TAF4B: variants seen among roughly 807,000 people sequenced by gnomAD.
The protein encoded by TAF4B is TATA-box binding protein associated factor 4b, also known as transcription initiation factor TFIID subunit 4B.
TAF4B carries 38 observed loss-of-function variants against 86.4 expected under a neutral mutation model. That is an observed-to-expected ratio of 0.44 (90% CI 0.34 to 0.58). The LOEUF is 0.58. TAF4B is among the 20% of genes least tolerant of loss of function. The pLI, the probability that TAF4B is intolerant of heterozygous loss-of-function variation, is 0.02. For missense variants in TAF4B, 988 were observed against 1,027.6 expected (o/e 0.96, Z 0.53); for synonymous variants, 388 against 391.2 (o/e 0.99, Z 0.10).
At chr18:26,325,677 A>G (rs775287379) in intron 11 of TAF4B, among the ~76,000 whole-genome samples, 2 of 152,208 alleles carry the variant, frequency 1.3e-5, no homozygotes, top group Non-Finnish European at 2.9e-5. Flanking sequence ...TCATTAAACC[A>G]TTTCCAGAGT....
chr18:26,268,455 C>G (rs1421205654), intron 3 of TAF4B, among the ~76,000 whole-genome samples: 1 of 152,182 alleles, frequency 6.6e-6, no homozygotes, highest in Admixed American at 6.5e-5. Context: ...CCCTTCCCCT[C>G]AACTACCAAC....
chr18:26,340,950 T>C (rs1316470660), intron 13 of TAF4B, among the ~76,000 whole-genome samples: 1 of 152,188 alleles, frequency 6.6e-6, no homozygotes, highest in Non-Finnish European at 1.5e-5. Context: ...AAGATAACTT[T>C]AATGGTAGTA....
intron 3 of TAF4B, among the ~76,000 whole-genome samples, chr18:26,270,750 T>C (rs2056302625): frequency 6.6e-6 from 1 of 150,486 alleles, no homozygotes. Context: ...TATGGAACCA[T>C]TTTGAGGGGG....
At chr18:26,346,903 GTGTGTATATATATATATA>G (rs2057202127) in intron 13 of TAF4B, among the ~76,000 whole-genome samples, 1 of 8,314 alleles carries the variant, frequency 1.2e-4, no homozygotes, top group Non-Finnish European at 4.2e-4. Flanking sequence ...ATATATATGT[GTGTGTATATATATATATA>G]TAGTTTTTTG....
intron 14 of TAF4B, among the ~76,000 whole-genome samples, chr18:26,368,179 T>C (rs567135941): frequency 1.3e-5 from 2 of 152,340 alleles, no homozygotes; most frequent in East Asian, 3.9e-4. Context: ...TAGAAATGTG[T>C]ACATTTTCAA....
intron 3 of TAF4B, 37 bp downstream of exon 3, chr18:26,267,660 C>G: frequency 3.5e-6 from 5 of 1,447,774 alleles, no homozygotes; most frequent in Non-Finnish European, 4.8e-6. Flanking sequence ...TTGTTGTTCT[C>G]TTAACTTTTA....
At chr18:26,285,795 A>G (rs2056512953) in intron 6 of TAF4B, 87 bp from the exon 7 acceptor site, 2 of 1,471,166 alleles carry the variant, frequency 1.4e-6, no homozygotes, top group Non-Finnish European at 1.8e-6. Context: ...GATTGGTTTT[A>G]AGTTGTAAAG....
Position 26,286,128 on chromosome 18 carries a change from G to A in TAF4B, c.1219G>A (p.Ala407Thr). Residue 407 changes from alanine (A) to threonine (T), a missense_variant, in exon 7 of 15, where the codon GCT becomes ACT. Coordinates refer to ENST00000269142, the MANE Select transcript of TAF4B (RefSeq NM_005640.3). ...NPLAGPVGAK[A>T]GVVTLHSVGP... ...ACTTGCTGGTCCAGTGGGAGCAAAA[G>A]CTGGAGTTGTGACACTTCATTCTGT... 6.2e-7 allele frequency: 1 copy of A among 1,614,238 alleles called. No homozygotes were observed. The highest frequency in any genetic ancestry group is 8.5e-7 in the Non-Finnish European group (1 of 1,180,036).
intron 14 of TAF4B, among the ~76,000 whole-genome samples, chr18:26,386,229 T>A (rs763067823): frequency 6.6e-6 from 1 of 152,160 alleles, no homozygotes; most frequent in Non-Finnish European, 1.5e-5. Context: ...ATATGGCTCT[T>A]TCCCCTGAAT....
chr18:26,238,662 C>G (rs1393709015), intron 1 of TAF4B, among the ~76,000 whole-genome samples: 1 of 151,658 alleles, frequency 6.6e-6, no homozygotes, highest in Non-Finnish European at 1.5e-5. Context: ...CATATGTATA[C>G]ATGTGCCATG....
chr18:26,231,441 C>G (rs1878514335), intron 1 of TAF4B, among the ~76,000 whole-genome samples: 2 of 150,256 alleles, frequency 1.3e-5, no homozygotes, highest in South Asian at 4.2e-4. Context: ...CAACCTCTGC[C>G]TCCTGGGTTC....
At chr18:26,346,640 A>G (rs1258966604) in intron 13 of TAF4B, among the ~76,000 whole-genome samples, 1 of 149,546 alleles carries the variant, frequency 6.7e-6, no homozygotes, top group Non-Finnish European at 1.5e-5. Flanking sequence ...TATCAGATTA[A>G]CAGTAGATTT....
chr18:26,240,844 A>G (rs1015080009), intron 1 of TAF4B, among the ~76,000 whole-genome samples: 1 of 152,130 alleles, frequency 6.6e-6, no homozygotes, highest in South Asian at 2.1e-4. Context: ...TGAGATAATC[A>G]TGTGGTTTTT....
chr18:26,337,130 A>G (rs1160705953), intron 13 of TAF4B, among the ~76,000 whole-genome samples: 2 of 152,318 alleles, frequency 1.3e-5, no homozygotes, highest in East Asian at 3.9e-4. Context: ...AATTCAGTAT[A>G]ACTTCTTTCC....
intron 6 of TAF4B, among the ~76,000 whole-genome samples, chr18:26,285,231 T>TTG (rs1568127647): frequency 3.2e-5 from 4 of 126,036 alleles, no homozygotes; most frequent in Non-Finnish European, 7.2e-5. Context: ...TGTTTTTTTT[T>TTG]TTTTTGGAGA....
intron 7 of TAF4B, among the ~76,000 whole-genome samples, chr18:26,288,885 G>GT (rs1055939774): frequency 6.6e-6 from 1 of 152,078 alleles, no homozygotes. Context: ...AAATTTTAGG[G>GT]TTTTTTTACT....
At chr18:26,338,470 A>ATTTTTTTTTTTT (rs764826705) in intron 13 of TAF4B, among the ~76,000 whole-genome samples, 1 of 71,186 alleles carries the variant, frequency 1.4e-5, no homozygotes, top group African/African-American at 5.5e-5. Context: ...AAGAACTAGA[A>ATTTTTTTTTTTT]TTTTTTTTTT....
At chr18:26,273,451 T>A (rs989655114) in intron 3 of TAF4B, among the ~76,000 whole-genome samples, 9 of 152,112 alleles carry the variant, frequency 5.9e-5, no homozygotes, top group African/African-American at 1.9e-4. Flanking sequence ...TTGAAAAAAA[T>A]AATAGTAAAA....
intron 13 of TAF4B, among the ~76,000 whole-genome samples, chr18:26,335,534 C>T (rs2057083859): frequency 6.6e-6 from 1 of 152,184 alleles, no homozygotes; most frequent in Middle Eastern, 3.2e-3. Context: ...TGAGATTTAG[C>T]ATCTGGGACT....
Sources: gnomAD v4.1 joint callset for allele counts (sites outside exome capture counted in the v4.1 genomes callset) on GRCh38, gnomAD v4.1.1 for gene constraint, MANE v1.5 for transcripts, NCBI Gene and HGNC (gene_info 2026-07-23, HGNC 2026-07-21) for gene names.